PPP2CA: variants seen among roughly 807,000 people sequenced by gnomAD.
PPP2CA encodes the protein serine/threonine-protein phosphatase 2A catalytic subunit alpha isoform.
In PPP2CA, 5 loss-of-function variants were observed where a neutral mutation model predicts 38.8. The ratio of observed to expected loss-of-function variants is 0.13; its 90% CI spans 0.07 to 0.27. The LOEUF is 0.27. Among genes scored for constraint, PPP2CA ranks in the 10% least tolerant of loss-of-function variants. The pLI, the probability that PPP2CA is intolerant of heterozygous loss-of-function variation, is 1.00. For missense variants in PPP2CA, 88 were observed against 389.7 expected, an observed-to-expected ratio of 0.23 and a Z score of 6.52; for synonymous variants, 152 against 134.0, an observed-to-expected ratio of 1.13 and a Z score of -0.93.
At chr5:134,198,280 C>G (rs1761896995) in intron 6 of PPP2CA, among the ~76,000 whole-genome samples, 2 of 152,026 alleles carry the variant, frequency 1.3e-5, no homozygotes, top group South Asian at 4.2e-4. Context: ...GTAATCCCAG[C>G]TACTCGGGAG....
chr5:134,225,839 T>C lies in PPP2CA; in HGVS notation c.23A>G (p.Lys8Arg), dbSNP rs1282681032. 1 of 1,609,362 alleles carries C rather than the reference T, an allele frequency of 6.2e-7. No individual in the cohort carries two copies. The highest frequency in any genetic ancestry group is 1.3e-5 in the African/African-American group (1 of 74,552). ...CTGCTCGATCCACTGGTCCAGCTCC[T>C]TGGTGAACACCTTCTCGTCCATGAT... MDEKVFT[K>R]ELDQWIEQLN... The change falls in exon 1 of 7, where the codon AAG becomes AGG. Residue 8 changes from lysine (K) to arginine (R), a missense_variant. By Grantham distance (26) the Lys-to-Arg change is conservative (BLOSUM62 2). Transcript: ENST00000481195.
In PPP2CA at chr5:134,196,749, G is replaced by A. The variant is rs1240956210; in HGVS notation, c.*1023C>T. The A allele has an allele frequency of 6.6e-6, 1 of 152,162 alleles. No homozygotes were observed. The highest frequency in any genetic ancestry group is 2.4e-5 in the African/African-American group (1 of 41,446). The allele number at this position is 152,162 out of a possible 1,614,324, so 9.4% of individuals were successfully genotyped here. A position where few individuals can be genotyped will look rare whatever the true frequency, so the allele number is the denominator to read the frequency against. ...TTTAAGCTCTACCTGAAAACATGCT[G>A]TTTTATTAAAACAAAACCCAAAGAC... On this transcript the variant is annotated 3_prime_UTR_variant, in exon 7 of 7. Transcript: ENST00000481195.
chr5:134,206,222 G>T, intron 1 of PPP2CA, 91 bp from the exon 2 acceptor site: 1 of 1,082,018 alleles, frequency 9.2e-7, no homozygotes, highest in Non-Finnish European at 1.4e-6. Context: ...TAGCTTAAGG[G>T]GCAGACTCAG....
chr5:134,206,015 G>A lies in PPP2CA; in HGVS notation c.219C>T (p.Gly73=), dbSNP rs1762075997. ...HDLMELFRIG[G]KSPDTNYLFM... is the part of the protein sequence containing the mutation. Reference sequence around the variant, plus strand: ...ACAAGTAATTTGTATCTGGTGATTTGCCACCAATTCTAAACAGTTCCATGA... The same window carrying A: ...ACAAGTAATTTGTATCTGGTGATTTACCACCAATTCTAAACAGTTCCATGA... Residue 73 remains glycine, a synonymous_variant, in exon 2 of 7, where the codon GGC becomes GGT. Coordinates refer to ENST00000481195, the MANE Select transcript of PPP2CA (RefSeq NM_002715.4). The A allele has an allele frequency of 1.9e-6, 3 of 1,614,006 alleles. No homozygotes were observed. The highest frequency in any genetic ancestry group is 2.2e-5 in the East Asian group (1 of 44,872).
intron 1 of PPP2CA, among the ~76,000 whole-genome samples, chr5:134,218,794 G>A (rs758764356): frequency 4.0e-5 from 6 of 150,992 alleles, no homozygotes; most frequent in Non-Finnish European, 7.4e-5. Flanking sequence ...TCAGCCTCCC[G>A]AGCAGCTGGG....
rs994493381 is a variant in PPP2CA at position 134,201,082 on chromosome 5, G to C, written c.487-8C>G. The C allele has an allele frequency of 6.9e-6, 11 of 1,602,686 alleles. No individual in the cohort carries two copies. The highest frequency in any genetic ancestry group is 9.4e-6 in the Non-Finnish European group (11 of 1,169,708). On this transcript the variant is annotated splice_polypyrimidine_tract_variant and splice_region_variant and intron_variant, in intron 3 of 6. Coordinates refer to ENST00000481195, the MANE Select transcript of PPP2CA (RefSeq NM_002715.4). ...ACCATGTAGACAGAAGATCTGAAAA[G>C]AGTGGTTTAAAAGGTTAACCTCACC...
At chr5:134,220,002 C>A (rs1326187978) in intron 1 of PPP2CA, among the ~76,000 whole-genome samples, 1 of 98,434 alleles carries the variant, frequency 1.0e-5, no homozygotes, top group African/African-American at 4.3e-5. Flanking sequence ...CAGAGCGAGG[C>A]TCCGTATCAA....
intron 6 of PPP2CA, among the ~76,000 whole-genome samples, chr5:134,198,226 T>TA (rs902820394): frequency 1.5e-4 from 22 of 150,402 alleles, no homozygotes; most frequent in South Asian, 2.1e-4. Flanking sequence ...CCATATCTAC[T>TA]AAAAAAATAC....
chr5:134,211,381 A>G (rs901999496), intron 1 of PPP2CA, among the ~76,000 whole-genome samples: 2 of 152,202 alleles, frequency 1.3e-5, no homozygotes, highest in Admixed American at 1.3e-4. Flanking sequence ...TCTTGAATAC[A>G]GGCCATCATA....
intron 1 of PPP2CA, among the ~76,000 whole-genome samples, chr5:134,223,649 A>G (rs536163941): frequency 6.6e-6 from 1 of 152,222 alleles, no homozygotes; most frequent in Non-Finnish European, 1.5e-5. Flanking sequence ...GGAAAGCAAT[A>G]TTAGATGCAT....
intron 1 of PPP2CA, among the ~76,000 whole-genome samples, chr5:134,211,322 C>G (rs893393403): frequency 9.9e-5 from 15 of 152,006 alleles, no homozygotes; most frequent in African/African-American, 3.6e-4. Context: ...TATTTCCAAC[C>G]CACTATAAAA....
Position 134,208,453 on chromosome 5 carries a change from C to T in PPP2CA, c.103-2322G>A, listed in dbSNP as rs550276300. Reference sequence around the variant, plus strand: ...AGTAATACATTCTTGTAAAAAATTTCGGCACAGATAAAATGAAATGTTCCC... The same window carrying T: ...AGTAATACATTCTTGTAAAAAATTTTGGCACAGATAAAATGAAATGTTCCC... On this transcript the variant is annotated intron_variant, in intron 1 of 6. Transcript: ENST00000481195. Among the ~76,000 whole-genome samples, 23 of 152,220 alleles carry T rather than the reference C, an allele frequency of 1.5e-4. No homozygotes were observed. The East Asian group carries it at 3.5e-3, about 23-fold the overall frequency.
chr5:134,218,295 T>C (rs973825318), intron 1 of PPP2CA, among the ~76,000 whole-genome samples: 12 of 152,196 alleles, frequency 7.9e-5, no homozygotes, highest in African/African-American at 2.9e-4. Flanking sequence ...AAGAAAAATG[T>C]TGGGAATGAG....
chr5:134,216,537 C>CAAAAAAA (rs748030385), intron 1 of PPP2CA, among the ~76,000 whole-genome samples: 4 of 29,586 alleles, frequency 1.4e-4, no homozygotes, highest in African/African-American at 4.7e-4. Context: ...GAGACTGCCT[C>CAAAAAAA]AAAAAAAAAA....
intron 1 of PPP2CA, among the ~76,000 whole-genome samples, chr5:134,217,007 C>T (rs1179358440): frequency 6.6e-6 from 1 of 152,158 alleles, no homozygotes; most frequent in Non-Finnish European, 1.5e-5. Flanking sequence ...ATTGGCCGGG[C>T]GAAGTGGCTC....
At position 134,200,505 on chromosome 5, in the gene PPP2CA, T is replaced by C; in HGVS notation, c.577-9A>G. 1.2e-6 allele frequency: 2 copies of C among 1,605,122 alleles called. No homozygotes were observed. The highest frequency in any genetic ancestry group is 1.7e-6 in the Non-Finnish European group (2 of 1,177,294). ...AAGTCACACATTGGACCCTAAAAAA[T>C]AACTTCAAGTTATAAAATGCCTTTT... On this transcript the variant is annotated splice_polypyrimidine_tract_variant and intron_variant, in intron 4 of 6. Transcript: ENST00000481195.
intron 6 of PPP2CA, among the ~76,000 whole-genome samples, chr5:134,198,464 G>A (rs1473905358): frequency 6.6e-6 from 1 of 151,852 alleles, no homozygotes; most frequent in Non-Finnish European, 1.5e-5. Flanking sequence ...TTCATACGAA[G>A]ATCTATATAT....
At chr5:134,218,554 T>C (rs983754393) in intron 1 of PPP2CA, among the ~76,000 whole-genome samples, 3 of 152,144 alleles carry the variant, frequency 2.0e-5, no homozygotes, top group Non-Finnish European at 4.4e-5. Flanking sequence ...CTGCTATATA[T>C]CTACTTATTA....
At chr5:134,225,632 G>C in intron 1 of PPP2CA, 128 bp downstream of exon 1, 1 of 735,698 alleles carries the variant, frequency 1.4e-6, no homozygotes, top group Non-Finnish European at 2.0e-6. Context: ...GGCCAGGATG[G>C]GCGCCGGTCT....
Sources: gnomAD v4.1 joint callset for allele counts (sites outside exome capture counted in the v4.1 genomes callset) on GRCh38, gnomAD v4.1.1 for gene constraint, MANE v1.5 for transcripts, NCBI Gene and HGNC (gene_info 2026-07-23, HGNC 2026-07-21) for gene names.